The following NLRP13 variants were observed in gnomAD, a reference collection of about 807,000 sequenced individuals.
NLRP13 encodes the protein NACHT, LRR and PYD domains-containing protein 13.
Under a neutral mutation model 94.4 loss-of-function variants are expected in NLRP13, and 82 were observed. The ratio of observed to expected loss-of-function variants is 0.87; its 90% confidence interval spans 0.73 to 1.04. The LOEUF (loss-of-function observed/expected upper bound fraction) is 1.04, where lower values mean the gene tolerates loss of function less well. NLRP13 is among the 50% of genes least tolerant of loss of function. NLRP13 has a pLI of 0.00. For synonymous variants in NLRP13, 553 were observed against 464.7 expected (o/e 1.19, Z -2.45); for missense variants, 1,426 against 1,230.8 (o/e 1.16, Z -2.37).
chr19:55,931,434 C>T (rs1043549905), intron 1 of NLRP13, among the ~76,000 whole-genome samples: 2 of 151,920 alleles, frequency 1.3e-5, no homozygotes, highest in African/African-American at 4.8e-5. Flanking sequence ...CTGGGCTGGG[C>T]GCGGTGGCTC....
At chr19:55,909,029 A>G (rs970333242) in intron 6 of NLRP13, among the ~76,000 whole-genome samples, 13 of 150,354 alleles carry the variant, frequency 8.6e-5, no homozygotes, top group Middle Eastern at 3.5e-3. Context: ...TTTCACTCTT[A>G]ACTGGTTGAA....
downstream of NLRP13, among the ~76,000 whole-genome samples, chr19:55,893,445 G>T (rs561965336): frequency 5.1e-4 from 78 of 152,192 alleles, 1 homozygote; most frequent in African/African-American, 1.7e-3. Context: ...AAAAGTAATA[G>T]CAAACACAAT....
chr19:55,900,776 A>AACAAC (rs386389303), intron 9 of NLRP13, among the ~76,000 whole-genome samples: 312 of 29,080 alleles, frequency 0.011, 6 homozygotes, highest in East Asian at 0.099. Context: ...ACTCCATCTT[A>AACAAC]AAAAAAAAAA....
At chr19:55,902,893 TTACAATTA>T (rs1311149488) in intron 8 of NLRP13, among the ~76,000 whole-genome samples, 2 of 148,366 alleles carry the variant, frequency 1.3e-5, no homozygotes, top group Non-Finnish European at 3.0e-5. Context: ...GAAATATATG[TTACAATTA>T]TACATGTATA....
intron 10 of NLRP13, among the ~76,000 whole-genome samples, chr19:55,898,416 G>T (rs190208232): frequency 6.6e-6 from 1 of 152,172 alleles, no homozygotes; most frequent in African/African-American, 2.4e-5. Flanking sequence ...CCCCATGTTG[G>T]CCAGGCTTGT....
chr19:55,907,720 T>A (rs1337321318), intron 7 of NLRP13, 72 bp downstream of exon 7: 2 of 1,442,554 alleles, frequency 1.4e-6, no homozygotes, highest in Non-Finnish European at 1.9e-6. Flanking sequence ...CTGTCAGCCC[T>A]CCCAGTGGAT....
chr19:55,895,700 AAAG>A (rs1284144316), downstream of NLRP13, among the ~76,000 whole-genome samples: 1 of 152,180 alleles, frequency 6.6e-6, no homozygotes, highest in South Asian at 2.1e-4. Flanking sequence ...GTGAAAGAAA[AAAG>A]AAAACTACTA....
In NLRP13 at chr19:55,912,062, A is replaced by G. The variant is rs1986532941; in HGVS notation, c.1755T>C (p.Val585=). 6.2e-7 allele frequency: 1 copy of G among 1,614,108 alleles called. No homozygotes were observed. Among genetic ancestry groups the G allele is most frequent in the Non-Finnish European group, 8.5e-7 (1 of 1,180,046 alleles). Residue 585 remains valine (V), a synonymous_variant, in exon 5 of 11, where the codon GTT becomes GTC. Coordinates refer to ENST00000342929, the MANE Select transcript of NLRP13 (RefSeq NM_176810.2). ...TATTTAAAAGACCAAAGAAGAACAGAACCACTGGAGTCCAGTAGGCTTCTT... is the reference window on the plus strand; with the variant it reads ...TATTTAAAAGACCAAAGAAGAACAGGACCACTGGAGTCCAGTAGGCTTCTT... ...LDKEAYWTPV[V]LFFFGLLNKN... is the part of the protein sequence containing the mutation.
chr19:55,905,184 C>T (rs1986300917), intron 7 of NLRP13, 72 bp from the exon 8 acceptor site: 3 of 1,510,464 alleles, frequency 2.0e-6, no homozygotes, highest in Middle Eastern at 2.2e-4. Context: ...TCTCTCAACC[C>T]CTTAACCCCC....
chr19:55,916,988 A>G (rs1986690925), intron 4 of NLRP13, among the ~76,000 whole-genome samples: 1 of 152,202 alleles, frequency 6.6e-6, no homozygotes, highest in Non-Finnish European at 1.5e-5. Flanking sequence ...CTAGTCACCT[A>G]TGAAGCAAAA....
chr19:55,911,401 CCACT>C (rs1193849077), intron 5 of NLRP13, among the ~76,000 whole-genome samples: 5 of 152,056 alleles, frequency 3.3e-5, no homozygotes, highest in Admixed American at 3.3e-4. Context: ...CAGCTAATAA[CCACT>C]CAGTCATGGA....
At position 55,925,012 on chromosome 19, in the gene NLRP13, G is replaced by A; in HGVS notation, c.343C>T (p.Gln115Ter). Residue 115 changes from glutamine (Q) to a stop codon, truncating the protein, a stop_gained, in exon 2 of 11, where the codon CAA becomes TAA. Transcript: ENST00000342929. LOFTEE classifies it high-confidence loss of function. Reference protein sequence around the residue: ...MKENVQTQELQDPTQEDLEML... With the variant: ...MKENVQTQEL Reference sequence around the variant, plus strand: ...TCTAGATCTTCCTGGGTTGGATCTTGCAGCTCTTGGGTCTGCACATTCTCT... The same window carrying A: ...TCTAGATCTTCCTGGGTTGGATCTTACAGCTCTTGGGTCTGCACATTCTCT... 6.2e-7 allele frequency: 1 copy of A among 1,614,106 alleles called. No homozygotes were observed. Among genetic ancestry groups the A allele is most frequent in the Non-Finnish European group, 8.5e-7 (1 of 1,180,002 alleles).
intron 4 of NLRP13, among the ~76,000 whole-genome samples, chr19:55,916,740 G>C (rs1194084372): frequency 6.6e-6 from 1 of 152,106 alleles, no homozygotes; most frequent in Non-Finnish European, 1.5e-5. Context: ...TGGAACCTAT[G>C]AATCATAGGC....
chr19:55,932,282 G>A lies in NLRP13; in HGVS notation c.30C>T (p.Asn10=), dbSNP rs369140925. Residue 10 remains asparagine, a synonymous_variant, in exon 1 of 11, where the codon AAC becomes AAT. Coordinates refer to ENST00000342929, the MANE Select transcript of NLRP13 (RefSeq NM_176810.2). The stretch of plus-strand genomic sequence containing the variant: ...GCAGAAGCCCTTGGTTGGTACCACC[G>A]TTGGGGCAGGTGATTACAGAAAAGT... The part of the protein sequence containing the change: MNFSVITCP[N]GGTNQGLLPY... 19 of 1,608,192 alleles carry A rather than the reference G, an allele frequency of 1.2e-5. No homozygotes were observed. The highest frequency in any genetic ancestry group is 3.3e-5 in the South Asian group (3 of 89,986).
At chr19:55,902,282 C>CGA in intron 8 of NLRP13, 77 bp from the exon 9 acceptor site, 10 of 1,260,020 alleles carry the variant, frequency 7.9e-6, no homozygotes, top group Middle Eastern at 2.6e-4. Flanking sequence ...AGCCTCAGGG[C>CGA]CCCCTCCGAG....
rs1158286421 is a variant in NLRP13 at position 55,908,044 on chromosome 19, A to T, written c.2283-88T>A. 5 of 1,186,442 alleles carry T rather than the reference A, an allele frequency of 4.2e-6. No individual in the cohort carries two copies. The East Asian group carries it at 1.2e-4, about 28-fold the overall frequency. The allele number at this position is 1,186,442 out of a possible 1,614,324, so 73.5% of individuals were successfully genotyped here. On this transcript the variant is annotated intron_variant, in intron 6 of 10. Coordinates refer to ENST00000342929, the MANE Select transcript of NLRP13 (RefSeq NM_176810.2). Reference sequence around the variant, plus strand: ...CTGCCTCCTCACCCTGCCTTCTACTACACTCACTGCCAAGGTTATACACGG... The same window carrying T: ...CTGCCTCCTCACCCTGCCTTCTACTTCACTCACTGCCAAGGTTATACACGG...
intron 7 of NLRP13, 70 bp from the exon 8 acceptor site, chr19:55,905,182 C>A: frequency 3.3e-6 from 5 of 1,497,518 alleles, no homozygotes; most frequent in Non-Finnish European, 4.6e-6. Context: ...TCTCTCTCAA[C>A]CCCTTAACCC....
intron 7 of NLRP13, 31 bp downstream of exon 7, chr19:55,907,761 C>T: frequency 1.2e-6 from 2 of 1,612,122 alleles, no homozygotes; most frequent in African/African-American, 2.7e-5. Context: ...TTGCAACCCC[C>T]CTTGACAGAT....
At chr19:55,894,393 C>G (rs763219598), downstream of NLRP13, among the ~76,000 whole-genome samples, 4 of 152,106 alleles carry the variant, frequency 2.6e-5, no homozygotes, top group African/African-American at 9.7e-5. Flanking sequence ...GGAAAGTGTT[C>G]TAATTAAATG....
Sources: allele counts gnomAD v4.1 joint callset (sites outside exome capture counted in the v4.1 genomes callset), GRCh38; gene constraint gnomAD v4.1.1; transcripts MANE v1.5; gene names NCBI Gene and HGNC (gene_info 2026-07-23, HGNC 2026-07-21).